Variants in KHDRBS2 observed in about 807,000 individuals in gnomAD.
KHDRBS2 encodes the protein KH RNA binding domain containing, signal transduction associated 2, also known as KH domain-containing, RNA-binding, signal transduction-associated protein 2.
KHDRBS2 carries 26 observed loss-of-function variants against 44.3 expected under a neutral mutation model. That is an observed-to-expected ratio of 0.59 (90% confidence interval 0.43 to 0.81). The LOEUF is 0.81. KHDRBS2 is among the 40% of genes least tolerant of loss of function. KHDRBS2 has a pLI of 0.00. For missense variants in KHDRBS2, 476 were observed against 433.1 expected (o/e 1.10, Z -0.88); for synonymous variants, 194 against 151.1 (o/e 1.28, Z -2.08).
At chr6:61,671,432 C>T in the KHDRBS2 span, among the ~76,000 whole-genome samples, 4 of 151,648 alleles carry the variant, frequency 2.6e-5, no homozygotes, top group African/African-American at 4.8e-5. Flanking sequence ...GTATATGAAT[C>T]AGACAACTAT....
chr6:62,121,247 A>T (rs2150082679), intron 2 of KHDRBS2, among the ~76,000 whole-genome samples: 1 of 152,324 alleles, frequency 6.6e-6, no homozygotes, highest in Non-Finnish European at 1.5e-5. Context: ...TGGAAGCTTT[A>T]GACCTACATC....
At chr6:61,827,914 C>T (rs1791162689) in intron 6 of KHDRBS2, among the ~76,000 whole-genome samples, 1 of 152,112 alleles carries the variant, frequency 6.6e-6, no homozygotes, top group East Asian at 1.9e-4. Context: ...GATAGGAGTT[C>T]AGCATATGAA....
chr6:62,071,296 TTCACTCTGA>T (rs1795018130), intron 2 of KHDRBS2, among the ~76,000 whole-genome samples: 1 of 152,194 alleles, frequency 6.6e-6, no homozygotes, highest in African/African-American at 2.4e-5. Context: ...AGGTTGCCTG[TTCACTCTGA>T]TGGTAGTTTC....
intron 2 of KHDRBS2, among the ~76,000 whole-genome samples, chr6:62,102,513 G>A (rs1182499853): frequency 3.9e-5 from 6 of 152,198 alleles, no homozygotes; most frequent in South Asian, 2.1e-4. Context: ...GAGGGCTGAA[G>A]CTCTTCTCTC....
chr6:61,780,541 C>CA (rs59944569), intron 6 of KHDRBS2, among the ~76,000 whole-genome samples: 24,442 of 151,926 alleles, frequency 0.16, 2,476 homozygotes, highest in East Asian at 0.29. Context: ...AAACAAACAG[C>CA]AAAAAACACT....
intron 1 of KHDRBS2, among the ~76,000 whole-genome samples, chr6:62,272,273 A>G (rs377412246): frequency 3.0e-4 from 46 of 152,176 alleles, no homozygotes; most frequent in African/African-American, 1.1e-3. Flanking sequence ...TGTTCACACA[A>G]TGATGAAATC....
chr6:61,978,529 T>G (rs1338666558), intron 3 of KHDRBS2, among the ~76,000 whole-genome samples: 1 of 152,108 alleles, frequency 6.6e-6, no homozygotes, highest in Admixed American at 6.6e-5. Flanking sequence ...TCTACATGAC[T>G]ACATTCTGGA....
rs1019161988 is a variant in KHDRBS2, at chr6:62,286,024, C to G, written c.-76G>C. 3.3e-5 allele frequency: 28 copies of G among 851,020 alleles called. No homozygotes were observed. The highest frequency in any genetic ancestry group is 7.0e-5 in the South Asian group (5 of 71,056). 52.7% of individuals were successfully genotyped at this position (851,020 alleles called of 1,614,324 possible). ...GGACGCAGGCAGGGTCTTGGGGCAG[C>G]GCCTGGCTCCCGCGCTGCTCCTCCT... On this transcript the variant is annotated 5_prime_UTR_variant, in exon 1 of 9. Transcript: ENST00000281156.
chr6:61,550,413 C>T, the KHDRBS2 span, among the ~76,000 whole-genome samples: 1 of 152,098 alleles, frequency 6.6e-6, no homozygotes, highest in African/African-American at 2.4e-5. Flanking sequence ...TGCATATGTA[C>T]CACATTTGCT....
intron 2 of KHDRBS2, among the ~76,000 whole-genome samples, chr6:62,080,173 G>T (rs1435072215): frequency 6.6e-6 from 1 of 151,974 alleles, no homozygotes; most frequent in Non-Finnish European, 1.5e-5. Flanking sequence ...GCAGTTTCTT[G>T]TTGCATTCCT....
chr6:61,665,186 A>G, the KHDRBS2 span, among the ~76,000 whole-genome samples: 2 of 151,500 alleles, frequency 1.3e-5, no homozygotes, highest in South Asian at 2.1e-4. Flanking sequence ...TTTATAGCTA[A>G]TTTTCATATG....
chr6:62,057,702 C>T (rs1216240710), intron 2 of KHDRBS2, among the ~76,000 whole-genome samples: 1 of 151,950 alleles, frequency 6.6e-6, no homozygotes, highest in Non-Finnish European at 1.5e-5. Context: ...AGAGTGAACA[C>T]AGCTGTGTTT....
rs1288657150 is a variant in KHDRBS2, at chr6:62,152,367, G to A, written c.219+24818C>T. ...AAAAAATACTTACCACATGGGGTTT[G>A]TGTAAGGCTTGAGATAATACAAATA... On this transcript the variant is annotated intron_variant, in intron 2 of 8. Transcript: ENST00000281156. Among the ~76,000 whole-genome samples, 6 of 152,150 alleles carry A rather than the reference G, an allele frequency of 3.9e-5. No homozygotes were observed. The East Asian group carries it at 5.8e-4, about 15-fold the overall frequency.
In KHDRBS2 at chr6:61,955,454, A is replaced by ATATACACATACGTATGTGTATG. The variant is rs1562519695; in HGVS notation, c.483+22611_483+22612insCATACACATACGTATGTGTATA. Among the ~76,000 whole-genome samples the ATATACACATACGTATGTGTATG allele has an allele frequency of 2.6e-4, 15 of 57,388 alleles. 1 individual carries two copies. Among genetic ancestry groups the ATATACACATACGTATGTGTATG allele is most frequent in the South Asian group, 9.2e-4 (2 of 2,178 alleles). The allele number at this position is 57,388 out of a possible 152,430, so 37.6% of individuals were successfully genotyped here. ...TATGTGTATGTATACATATGTGTATATATACATATGTGTATATATACACAT... is the reference window on the plus strand; with the variant it reads ...TATGTGTATGTATACATATGTGTATATATACACATACGTATGTGTATGTATACATATGTGTATATATACACAT... On this transcript the variant is annotated intron_variant, in intron 4 of 8. Coordinates refer to ENST00000281156, the MANE Select transcript of KHDRBS2 (RefSeq NM_152688.4).
chr6:61,725,460 G>C (rs980754906), intron 7 of KHDRBS2, among the ~76,000 whole-genome samples: 2 of 152,032 alleles, frequency 1.3e-5, no homozygotes, highest in African/African-American at 4.8e-5. Context: ...GGAACTAATG[G>C]AGATAGAGAC....
chr6:61,932,188 C>G (rs999878317), intron 4 of KHDRBS2, among the ~76,000 whole-genome samples: 1 of 152,088 alleles, frequency 6.6e-6, no homozygotes, highest in Non-Finnish European at 1.5e-5. Context: ...CCCTAAGCCC[C>G]TATGTTGTTT....
At chr6:61,629,407 T>C in the KHDRBS2 span, among the ~76,000 whole-genome samples, 3 of 152,194 alleles carry the variant, frequency 2.0e-5, no homozygotes, top group African/African-American at 7.2e-5. Context: ...TGCCCATATA[T>C]AACTGAAGAC....
chr6:61,926,924 A>C (rs551863032), intron 4 of KHDRBS2, among the ~76,000 whole-genome samples: 2 of 152,038 alleles, frequency 1.3e-5, no homozygotes, highest in South Asian at 4.2e-4. Flanking sequence ...TATGTGTGCA[A>C]AATGAAAAAC....
chr6:61,897,563 C>T (rs552921414), intron 5 of KHDRBS2, among the ~76,000 whole-genome samples: 10 of 152,268 alleles, frequency 6.6e-5, no homozygotes, highest in Admixed American at 2.0e-4. Flanking sequence ...TCTTCTCCAA[C>T]GTTTAATTGG....
Sources: gnomAD v4.1 joint callset for allele counts (sites outside exome capture counted in the v4.1 genomes callset) on GRCh38, gnomAD v4.1.1 for gene constraint, MANE v1.5 for transcripts, NCBI Gene and HGNC (gene_info 2026-07-23, HGNC 2026-07-21) for gene names.